The following PPP2CA variants were observed in gnomAD, a reference collection of about 807,000 sequenced individuals.
PPP2CA encodes the protein serine/threonine-protein phosphatase 2A catalytic subunit alpha isoform.
Under a neutral mutation model 38.8 loss-of-function variants are expected in PPP2CA, and 5 were observed. That is an observed-to-expected ratio of 0.13 (90% CI 0.07 to 0.27). The LOEUF is 0.27. Among genes scored for constraint, PPP2CA ranks in the 10% least tolerant of loss-of-function variants. The pLI, the probability that PPP2CA is intolerant of heterozygous loss-of-function variation, is 1.00. For synonymous variants in PPP2CA, 152 were observed against 134.0 expected, an observed-to-expected ratio of 1.13 and a Z score of -0.93; for missense variants, 88 against 389.7, an observed-to-expected ratio of 0.23 and a Z score of 6.52.
At chr5:134,209,511 G>A (rs984360099) in intron 1 of PPP2CA, among the ~76,000 whole-genome samples, 1 of 152,178 alleles carries the variant, frequency 6.6e-6, no homozygotes, top group Non-Finnish European at 1.5e-5. Context: ...AGTGGCTCAC[G>A]CCTGTAATCC....
intron 1 of PPP2CA, among the ~76,000 whole-genome samples, chr5:134,217,539 G>T (rs753049625): frequency 5.3e-5 from 8 of 152,102 alleles, no homozygotes; most frequent in Non-Finnish European, 1.0e-4. Flanking sequence ...AATATCCCAA[G>T]AGAATTTCAT....
At chr5:134,222,367 A>G (rs1232656757) in intron 1 of PPP2CA, among the ~76,000 whole-genome samples, 1 of 152,216 alleles carries the variant, frequency 6.6e-6, no homozygotes, top group Non-Finnish European at 1.5e-5. Flanking sequence ...TTCATATAAG[A>G]ATGTCATCTT....
chr5:134,222,485 AT>A (rs1168472727), intron 1 of PPP2CA, among the ~76,000 whole-genome samples: 2 of 152,130 alleles, frequency 1.3e-5, no homozygotes, highest in Non-Finnish European at 2.9e-5. Context: ...ACTGCACTTT[AT>A]TTATAGTGCT....
chr5:134,197,881 G>A (rs749495722), intron 6 of PPP2CA, 37 bp from the exon 7 acceptor site: 28 of 1,547,710 alleles, frequency 1.8e-5, no homozygotes, highest in Non-Finnish European at 2.2e-5. Context: ...TATGTTCCAC[G>A]ACCTCCATGT....
chr5:134,216,781 G>A (rs922480843), intron 1 of PPP2CA, among the ~76,000 whole-genome samples: 4 of 152,064 alleles, frequency 2.6e-5, no homozygotes, highest in Non-Finnish European at 4.4e-5. Context: ...CAGGATTGTA[G>A]GTATGAGCCA....
At chr5:134,213,685 A>G (rs1240305131) in intron 1 of PPP2CA, among the ~76,000 whole-genome samples, 1 of 152,022 alleles carries the variant, frequency 6.6e-6, no homozygotes, top group African/African-American at 2.4e-5. Flanking sequence ...AAGGAGGCTA[A>G]GGCAGAAGAA....
chr5:134,199,477 A>C, intron 5 of PPP2CA: 1 of 290,306 alleles, frequency 3.4e-6, no homozygotes. Flanking sequence ...AGCAACCACC[A>C]AAGAATGAAA....
chr5:134,209,776 C>CA (rs3216502), intron 1 of PPP2CA, among the ~76,000 whole-genome samples: 31 of 149,610 alleles, frequency 2.1e-4, no homozygotes, highest in Admixed American at 1.7e-3. Context: ...AGACTCTGTC[C>CA]AAAAAAAAAA....
chr5:134,220,341 C>A (rs904054377), intron 1 of PPP2CA, among the ~76,000 whole-genome samples: 1 of 149,500 alleles, frequency 6.7e-6, no homozygotes, highest in African/African-American at 2.5e-5. Context: ...CACCTATAAT[C>A]CCAACTATTT....
intron 4 of PPP2CA, 71 bp downstream of exon 4, chr5:134,200,914 T>A: frequency 1.6e-6 from 2 of 1,231,428 alleles, no homozygotes; most frequent in Non-Finnish European, 2.4e-6. Context: ...ATACATCTAA[T>A]GAACTTACAA....
In PPP2CA at chr5:134,196,357, CAGA is replaced by C. The variant is rs1761849297; in HGVS notation, c.*1412_*1414del. The stretch of plus-strand genomic sequence containing the variant: ...TTAAAATATCAAATATTAGTTCCCA[CAGA>C]AGAACTTTTTTTTAAACATCTAATC... On this transcript the variant is annotated 3_prime_UTR_variant, in exon 7 of 7. Transcript: ENST00000481195. 1 of 152,202 alleles carries C rather than the reference CAGA, an allele frequency of 6.6e-6. No individual in the cohort carries two copies. Among genetic ancestry groups the C allele is most frequent in the Non-Finnish European group, 1.5e-5 (1 of 68,030 alleles). The allele number at this position is 152,202 out of a possible 1,614,324, so 9.4% of individuals were successfully genotyped here. A position where few individuals can be genotyped will look rare whatever the true frequency, so the allele number is the denominator to read the frequency against.
At chr5:134,201,302 T>C (rs1761962441) in intron 3 of PPP2CA, among the ~76,000 whole-genome samples, 1 of 152,158 alleles carries the variant, frequency 6.6e-6, no homozygotes, top group Non-Finnish European at 1.5e-5. Flanking sequence ...CCCTCTGGTG[T>C]TTCTGTGCTC....
chr5:134,222,610 A>C (rs1017960676), intron 1 of PPP2CA, among the ~76,000 whole-genome samples: 1 of 152,224 alleles, frequency 6.6e-6, no homozygotes, highest in Non-Finnish European at 1.5e-5. Context: ...AAGAAATCAT[A>C]CCCAAGCTAA....
At chr5:134,207,545 C>T (rs561225610) in intron 1 of PPP2CA, among the ~76,000 whole-genome samples, 188 of 152,322 alleles carry the variant, frequency 1.2e-3, no homozygotes, top group Non-Finnish European at 7.6e-4. Context: ...AGAACCACTG[C>T]ACTTTGGGAC....
intron 1 of PPP2CA, chr5:134,225,519 TC>T (rs1762552725): frequency 2.2e-6 from 1 of 446,168 alleles, no homozygotes. Context: ...GCCGGCTGAC[TC>T]AAAAGCCCAG....
chr5:134,200,532 C>T, intron 4 of PPP2CA, 36 bp from the exon 5 acceptor site: 1 of 1,600,968 alleles, frequency 6.2e-7, no homozygotes, highest in South Asian at 1.1e-5. Flanking sequence ...ATGCCTTTTA[C>T]AAACATGGTT....
At chr5:134,214,006 G>C (rs1368897433) in intron 1 of PPP2CA, among the ~76,000 whole-genome samples, 2 of 152,146 alleles carry the variant, frequency 1.3e-5, no homozygotes, top group African/African-American at 4.8e-5. Flanking sequence ...GCACAGGCCT[G>C]TAATCCCAGC....
At chr5:134,215,260 CTAATT>C (rs1471903486) in intron 1 of PPP2CA, among the ~76,000 whole-genome samples, 2 of 152,124 alleles carry the variant, frequency 1.3e-5, no homozygotes, top group Admixed American at 1.3e-4. Flanking sequence ...CCACACCCAA[CTAATT>C]TATTTTTAAA....
intron 1 of PPP2CA, among the ~76,000 whole-genome samples, chr5:134,212,996 A>G (rs2149386466): frequency 6.6e-6 from 1 of 152,354 alleles, no homozygotes; most frequent in Non-Finnish European, 1.5e-5. Context: ...ATAAAAGGGC[A>G]AGATAAGGCA....
Sources: gnomAD v4.1 joint callset for allele counts (sites outside exome capture counted in the v4.1 genomes callset) on GRCh38, gnomAD v4.1.1 for gene constraint, MANE v1.5 for transcripts, NCBI Gene and HGNC (gene_info 2026-07-23, HGNC 2026-07-21) for gene names.